TMEM242: variants seen among roughly 807,000 people sequenced by gnomAD.
TMEM242 encodes the protein transmembrane protein 242.
In TMEM242, 10 loss-of-function variants were observed where a neutral mutation model predicts 18.2. The ratio of observed to expected loss-of-function variants is 0.55; its 90% CI spans 0.34 to 0.93. The LOEUF (loss-of-function observed/expected upper bound fraction) is 0.93, where lower values mean the gene tolerates loss of function less well. Among genes scored for constraint, TMEM242 ranks in the 40% least tolerant of loss-of-function variants. TMEM242 has a pLI of 0.02. For synonymous variants in TMEM242, 57 were observed against 69.9 expected, an observed-to-expected ratio of 0.81 and a Z score of 0.92; for missense variants, 186 against 175.5, an observed-to-expected ratio of 1.06 and a Z score of -0.34.
At chr6:157,321,267 C>T (rs1478108426) in intron 2 of TMEM242, among the ~76,000 whole-genome samples, 2 of 152,108 alleles carry the variant, frequency 1.3e-5, no homozygotes, top group African/African-American at 4.8e-5. Context: ...CTTGGCCTCC[C>T]TAAGTGCTGG....
chr6:157,304,100 A>C (rs1386756760), intron 3 of TMEM242, among the ~76,000 whole-genome samples: 1 of 152,212 alleles, frequency 6.6e-6, no homozygotes, highest in Non-Finnish European at 1.5e-5. Context: ...ATGCAATATA[A>C]AAGAGCCACT....
chr6:157,303,214 G>C (rs906621695), intron 3 of TMEM242, among the ~76,000 whole-genome samples: 1 of 152,212 alleles, frequency 6.6e-6, no homozygotes, highest in Non-Finnish European at 1.5e-5. Context: ...TAGGGATTTG[G>C]TAAATGTAGT....
chr6:157,293,910 G>A (rs1554247019), intron 3 of TMEM242, among the ~76,000 whole-genome samples: 1 of 151,982 alleles, frequency 6.6e-6, no homozygotes, highest in Non-Finnish European at 1.5e-5. Context: ...GGGTAGAGAT[G>A]GGGTCTTGCT....
At chr6:157,314,020 C>T (rs1778322120) in intron 3 of TMEM242, among the ~76,000 whole-genome samples, 3 of 73,604 alleles carry the variant, frequency 4.1e-5, no homozygotes, top group South Asian at 9.5e-4. Flanking sequence ...CATAGTGTCT[C>T]AGTGTGCACT....
intron 3 of TMEM242, among the ~76,000 whole-genome samples, chr6:157,294,629 C>T (rs1167882569): frequency 2.0e-5 from 3 of 152,080 alleles, no homozygotes; most frequent in South Asian, 2.1e-4. Flanking sequence ...GGATTACAGG[C>T]GTGAACCACC....
intron 3 of TMEM242, among the ~76,000 whole-genome samples, chr6:157,310,426 C>A (rs1554248278): frequency 2.3e-5 from 2 of 85,462 alleles, no homozygotes; most frequent in African/African-American, 4.6e-5. Context: ...CTGGCCTCAT[C>A]ATAGTGTCCC....
At chr6:157,306,069 C>G (rs1303824759) in intron 3 of TMEM242, among the ~76,000 whole-genome samples, 5 of 152,342 alleles carry the variant, frequency 3.3e-5, no homozygotes, top group African/African-American at 1.2e-4. Context: ...AGGAACATGT[C>G]ACAATCAGCT....
intron 2 of TMEM242, among the ~76,000 whole-genome samples, chr6:157,319,452 G>T (rs1334715024): frequency 1.3e-5 from 2 of 152,138 alleles, no homozygotes; most frequent in African/African-American, 4.8e-5. Flanking sequence ...CAAAAATGTT[G>T]ATCTATTTTA....
rs797031802 is a variant in TMEM242 at position 157,311,119 on chromosome 6, C to G, written c.327+7663G>C. Among the ~76,000 whole-genome samples, 752 of 96,252 alleles carry G rather than the reference C, an allele frequency of 7.8e-3. 2 individuals are homozygous for G. Among genetic ancestry groups the G allele is most frequent in the East Asian group, 0.038 (64 of 1,706 alleles). 63.1% of individuals were successfully genotyped at this position (96,252 alleles called of 152,430 possible). A position where few individuals can be genotyped will look rare whatever the true frequency, so the allele number is the denominator to read the frequency against. On this transcript the variant is annotated intron_variant, in intron 3 of 3. Coordinates refer to ENST00000400788, the MANE Select transcript of TMEM242 (RefSeq NM_018452.6). ...ATCATAGTGTCCCAGTGTGCACTCA[C>G]CTAGCCCCATCATAGTGTCCCAGTG...
At position 157,289,283 on chromosome 6, in the gene TMEM242, A is replaced by G. The variant is rs1554246691; in HGVS notation, c.*3618T>C. The G allele has an allele frequency of 2.0e-5, 3 of 152,204 alleles. No individual in the cohort carries two copies. The highest frequency in any genetic ancestry group is 7.2e-5 in the African/African-American group (3 of 41,452). The allele number at this position is 152,204 out of a possible 1,614,324, so 9.4% of individuals were successfully genotyped here. ...TGCTAACAGCCTCACTCATTATTAC[A>G]GATTCATGTCACTGCTTGTGAGAGA... On this transcript the variant is annotated 3_prime_UTR_variant, in exon 4 of 4. Coordinates refer to ENST00000400788, the MANE Select transcript of TMEM242 (RefSeq NM_018452.6).
chr6:157,314,027 C>T (rs1554250024), intron 3 of TMEM242, among the ~76,000 whole-genome samples: 1 of 1,048 alleles, frequency 9.5e-4, no homozygotes, highest in Non-Finnish European at 2.6e-3. Flanking sequence ...TCTCAGTGTG[C>T]ACTCACCCGG....
At chr6:157,302,452 T>C (rs782710176) in intron 3 of TMEM242, among the ~76,000 whole-genome samples, 2 of 152,236 alleles carry the variant, frequency 1.3e-5, no homozygotes, top group Non-Finnish European at 2.9e-5. Context: ...AGTCATTTTC[T>C]TTCTATCGTT....
chr6:157,317,611 T>C (rs1409192781), intron 3 of TMEM242, among the ~76,000 whole-genome samples: 1 of 152,172 alleles, frequency 6.6e-6, no homozygotes, highest in African/African-American at 2.4e-5. Context: ...ATCTTCACCT[T>C]GTACTTCTCC....
Position 157,290,865 on chromosome 6 carries a change from G to C in TMEM242, c.*2036C>G, listed in dbSNP as rs1777675432. 1 of 152,238 alleles carries C rather than the reference G, an allele frequency of 6.6e-6. No homozygotes were observed. Among genetic ancestry groups the C allele is most frequent in the African/African-American group, 2.4e-5 (1 of 41,456 alleles). 9.4% of individuals were successfully genotyped at this position (152,238 alleles called of 1,614,324 possible). On this transcript the variant is annotated 3_prime_UTR_variant, in exon 4 of 4. Transcript: ENST00000400788. ...TCTAATGGGAGTTCCCCTGCCATCGGTCAAGGACAGCAGAGGTGACATATA... is the reference window on the plus strand; with the variant it reads ...TCTAATGGGAGTTCCCCTGCCATCGCTCAAGGACAGCAGAGGTGACATATA...
chr6:157,317,468 C>T (rs587706505), intron 3 of TMEM242, among the ~76,000 whole-genome samples: 11 of 152,348 alleles, frequency 7.2e-5, no homozygotes, highest in Non-Finnish European at 1.6e-4. Context: ...TCCCCAACCT[C>T]TTAACATTAG....
At chr6:157,306,209 G>A (rs1777917355) in intron 3 of TMEM242, among the ~76,000 whole-genome samples, 1 of 152,232 alleles carries the variant, frequency 6.6e-6, no homozygotes. Context: ...AAGAAAGGCA[G>A]TGTGCGTGTT....
At chr6:157,318,560 T>A (rs371834490) in intron 3 of TMEM242, 12 of 537,702 alleles carry the variant, frequency 2.2e-5, no homozygotes, top group African/African-American at 1.4e-4. Flanking sequence ...TATAAATTAG[T>A]CATTACTTAA....
At chr6:157,314,228 G>A (rs1009065148) in intron 3 of TMEM242, among the ~76,000 whole-genome samples, 1 of 149,820 alleles carries the variant, frequency 6.7e-6, no homozygotes, top group Admixed American at 6.6e-5. Flanking sequence ...GTGCCCCAGT[G>A]TGCACTCACC....
At chr6:157,313,014 T>C in intron 3 of TMEM242, among the ~76,000 whole-genome samples, 1 of 152,226 alleles carries the variant, frequency 6.6e-6, no homozygotes, top group Non-Finnish European at 1.5e-5. Context: ...CAGTGTCCGC[T>C]CACCTAGCCT....
Sources: allele counts gnomAD v4.1 joint callset (sites outside exome capture counted in the v4.1 genomes callset), GRCh38; gene constraint gnomAD v4.1.1; transcripts MANE v1.5; gene names NCBI Gene and HGNC (gene_info 2026-07-23, HGNC 2026-07-21).